CCSER1: variants seen among roughly 807,000 people sequenced by gnomAD.
The protein encoded by CCSER1 is serine-rich coiled-coil domain-containing protein 1.
CCSER1 carries 41 observed loss-of-function variants against 82.0 expected under a neutral mutation model. That is an observed-to-expected ratio of 0.50 (90% CI 0.39 to 0.65). The LOEUF is 0.65. CCSER1 is among the 30% of genes least tolerant of loss of function. The pLI is 0.00. For missense variants in CCSER1, 1,119 were observed against 1,064.2 expected, an observed-to-expected ratio of 1.05 and a Z score of -0.72; for synonymous variants, 414 against 383.9, an observed-to-expected ratio of 1.08 and a Z score of -0.92.
At chr4:90,276,041 A>G (rs545075340) in intron 1 of CCSER1, among the ~76,000 whole-genome samples, 1 of 152,188 alleles carries the variant, frequency 6.6e-6, no homozygotes, top group Non-Finnish European at 1.5e-5. Context: ...TGTCTTAAAC[A>G]TAAGGCTATA....
chr4:90,847,673 A>G (rs1389085976), intron 8 of CCSER1, among the ~76,000 whole-genome samples: 1 of 152,222 alleles, frequency 6.6e-6, no homozygotes, highest in African/African-American at 2.4e-5. Flanking sequence ...ACTTTAAAAA[A>G]CAAGAGAAAA....
At chr4:91,100,531 G>A (rs1343631853) in intron 10 of CCSER1, among the ~76,000 whole-genome samples, 3 of 152,062 alleles carry the variant, frequency 2.0e-5, no homozygotes, top group Non-Finnish European at 2.9e-5. Flanking sequence ...ATTTTTAAAG[G>A]ATTTTACATT....
intron 4 of CCSER1, among the ~76,000 whole-genome samples, chr4:90,443,621 A>T (rs553495509): frequency 6.4e-4 from 97 of 152,282 alleles, no homozygotes; most frequent in African/African-American, 2.2e-3. Flanking sequence ...AGAGTAGAAC[A>T]TGTGGGATTA....
At chr4:90,325,812 T>C (rs1257077694) in intron 3 of CCSER1, 2 of 242,450 alleles carry the variant, frequency 8.2e-6, no homozygotes, top group Non-Finnish European at 1.8e-5. Context: ...ATTAAATAAG[T>C]CAAAGAAATT....
intron 9 of CCSER1, among the ~76,000 whole-genome samples, chr4:91,043,899 T>G (rs1329208821): frequency 4.6e-5 from 7 of 152,230 alleles, no homozygotes; most frequent in Middle Eastern, 6.8e-3. Context: ...AGACTTCTTA[T>G]GGAAAAGCTG....
intron 10 of CCSER1, among the ~76,000 whole-genome samples, chr4:91,380,533 G>T (rs903278368): frequency 1.3e-5 from 2 of 152,180 alleles, no homozygotes; most frequent in Admixed American, 6.5e-5. Context: ...ATCTTTGATG[G>T]TTTAAAGTCT....
chr4:90,308,953 A>G lies in CCSER1; in HGVS notation c.669A>G (p.Leu223=). 1.2e-6 allele frequency: 2 copies of G among 1,613,864 alleles called. No homozygotes were observed. Among genetic ancestry groups the G allele is most frequent in the Non-Finnish European group, 1.7e-6 (2 of 1,179,840 alleles). Residue 223 remains leucine (L), a synonymous_variant, in exon 2 of 11, where the codon TTA becomes TTG. Transcript: ENST00000509176. ...VTQYQEREPV[L]VRASPSCSVD... ...AGTACCAAGAGAGAGAACCTGTATT[A>G]GTAAGAGCTTCGCCATCCTGTTCTG...
At chr4:91,469,411 G>A (rs1275619581) in intron 10 of CCSER1, among the ~76,000 whole-genome samples, 1 of 152,118 alleles carries the variant, frequency 6.6e-6, no homozygotes, top group Non-Finnish European at 1.5e-5. Context: ...ATGCTTTTAA[G>A]GCAGATTTTT....
At chr4:90,464,837 AAT>A (rs1458696250) in intron 4 of CCSER1, among the ~76,000 whole-genome samples, 1 of 152,262 alleles carries the variant, frequency 6.6e-6, no homozygotes, top group East Asian at 1.9e-4. Context: ...TTATAAAATT[AAT>A]ATGTGAATAA....
intron 9 of CCSER1, among the ~76,000 whole-genome samples, chr4:90,957,252 C>CT (rs916801335): frequency 6.8e-6 from 1 of 147,558 alleles, no homozygotes; most frequent in Non-Finnish European, 1.5e-5. Flanking sequence ...CAGGCCCCCC[C>CT]CACCACGTCC....
intron 10 of CCSER1, among the ~76,000 whole-genome samples, chr4:91,441,242 T>A (rs1755113341): frequency 6.6e-6 from 1 of 151,672 alleles, no homozygotes. Context: ...GCAAACCGAA[T>A]CCAGCAGCAC....
chr4:90,367,888 A>G (rs1293292777), intron 3 of CCSER1, among the ~76,000 whole-genome samples: 1 of 151,950 alleles, frequency 6.6e-6, no homozygotes, highest in African/African-American at 2.4e-5. Flanking sequence ...AGCAGAAAAT[A>G]ATCCTCAACT....
At chr4:91,474,787 G>GTATA (rs764572024) in intron 10 of CCSER1, among the ~76,000 whole-genome samples, 148 of 135,100 alleles carry the variant, frequency 1.1e-3, no homozygotes, top group Non-Finnish European at 1.4e-3. Flanking sequence ...ATATATTTGT[G>GTATA]TATATATATA....
intron 9 of CCSER1, among the ~76,000 whole-genome samples, chr4:91,048,287 C>A (rs531768641): frequency 6.6e-6 from 1 of 151,854 alleles, no homozygotes; most frequent in Non-Finnish European, 1.5e-5. Flanking sequence ...TATATTTACA[C>A]ATAAATAAAA....
chr4:90,547,237 A>T (rs1370643381), intron 5 of CCSER1, among the ~76,000 whole-genome samples: 1 of 151,608 alleles, frequency 6.6e-6, no homozygotes, highest in South Asian at 2.1e-4. Flanking sequence ...AAAATAAAAT[A>T]AAAAAAAGAA....
At chr4:90,302,099 A>G (rs1490150517) in intron 1 of CCSER1, among the ~76,000 whole-genome samples, 5 of 152,194 alleles carry the variant, frequency 3.3e-5, no homozygotes, top group African/African-American at 1.2e-4. Context: ...GAGACAGAAA[A>G]TATATTTATG....
chr4:90,708,850 CTT>C (rs1233514451), intron 6 of CCSER1, among the ~76,000 whole-genome samples: 1 of 152,106 alleles, frequency 6.6e-6, no homozygotes, highest in Non-Finnish European at 1.5e-5. Context: ...ATCAATTTCT[CTT>C]TGCCAGTTGA....
chr4:90,367,796 T>C (rs1351528814), intron 3 of CCSER1, among the ~76,000 whole-genome samples: 1 of 151,754 alleles, frequency 6.6e-6, no homozygotes, highest in Non-Finnish European at 1.5e-5. Context: ...AATTAAAACA[T>C]GTAAAAAGGA....
chr4:90,424,577 TCA>T (rs1757267192), intron 4 of CCSER1, among the ~76,000 whole-genome samples: 2 of 152,318 alleles, frequency 1.3e-5, no homozygotes, highest in Non-Finnish European at 2.9e-5. Flanking sequence ...TTCACTATTC[TCA>T]CATATAAGAT....
Sources: gnomAD v4.1 joint callset for allele counts (sites outside exome capture counted in the v4.1 genomes callset) on GRCh38, gnomAD v4.1.1 for gene constraint, MANE v1.5 for transcripts, NCBI Gene and HGNC (gene_info 2026-07-23, HGNC 2026-07-21) for gene names.